PDSS2: variants seen among roughly 807,000 people sequenced by gnomAD.
PDSS2 encodes all trans-polyprenyl-diphosphate synthase PDSS2.
A neutral mutation model predicts 44.5 loss-of-function variants in PDSS2; 31 were observed. That is an observed-to-expected ratio of 0.70 (90% CI 0.52 to 0.94). The LOEUF (loss-of-function observed/expected upper bound fraction) is 0.94. Ranked by LOEUF, PDSS2 falls within the 40% of genes least tolerant of loss-of-function variation. The pLI, the probability that PDSS2 is intolerant of heterozygous loss-of-function variation, is 0.00. For synonymous variants in PDSS2, 157 were observed against 180.3 expected, an observed-to-expected ratio of 0.87 and a Z score of 1.03; for missense variants, 452 against 482.2, an observed-to-expected ratio of 0.94 and a Z score of 0.59.
At chr6:107,356,946 T>C (rs1350456026) in intron 1 of PDSS2, among the ~76,000 whole-genome samples, 1 of 152,174 alleles carries the variant, frequency 6.6e-6, no homozygotes, top group Non-Finnish European at 1.5e-5. Flanking sequence ...CTCATCATAA[T>C]TTTACATCAA....
intron 3 of PDSS2, among the ~76,000 whole-genome samples, chr6:107,253,805 CATTT>C (rs944558133): frequency 3.3e-5 from 5 of 152,084 alleles, no homozygotes; most frequent in East Asian, 1.9e-4. Flanking sequence ...ATCACTGACT[CATTT>C]ATTTGTTTAA....
intron 2 of PDSS2, among the ~76,000 whole-genome samples, chr6:107,311,218 C>T (rs1253610531): frequency 8.0e-6 from 1 of 124,358 alleles, no homozygotes; most frequent in East Asian, 2.3e-4. Context: ...TTTTTTGAGA[C>T]AGGGTCTTGC....
chr6:107,176,533 A>G (rs931250693), intron 7 of PDSS2, among the ~76,000 whole-genome samples: 1 of 152,046 alleles, frequency 6.6e-6, no homozygotes, highest in South Asian at 2.1e-4. Flanking sequence ...TTTCTAATTT[A>G]AAACTGTATG....
chr6:107,250,158 G>A (rs1016622669), intron 3 of PDSS2, among the ~76,000 whole-genome samples: 2 of 149,310 alleles, frequency 1.3e-5, no homozygotes, highest in African/African-American at 5.1e-5. Context: ...GAGGAGTAGG[G>A]GATGGTAAGA....
chr6:107,365,038 T>C (rs569342304), intron 1 of PDSS2, among the ~76,000 whole-genome samples: 143 of 152,216 alleles, frequency 9.4e-4, no homozygotes, highest in Non-Finnish European at 1.8e-3. Flanking sequence ...GAAGTGATAT[T>C]AGACAGTAAT....
At chr6:107,451,111 C>T (rs1206587642) in intron 1 of PDSS2, among the ~76,000 whole-genome samples, 2 of 152,184 alleles carry the variant, frequency 1.3e-5, no homozygotes, top group East Asian at 1.9e-4. Context: ...GGATTACAGG[C>T]GTGAGCCACT....
chr6:107,402,564 T>TAC (rs1253284466), intron 1 of PDSS2, among the ~76,000 whole-genome samples: 4 of 85,436 alleles, frequency 4.7e-5, no homozygotes, highest in African/African-American at 1.7e-4. Context: ...AAAATATATA[T>TAC]ACATGTGTAT....
chr6:107,162,183 A>C (rs1771156742), intron 7 of PDSS2, among the ~76,000 whole-genome samples: 1 of 152,126 alleles, frequency 6.6e-6, no homozygotes, highest in African/African-American at 2.4e-5. Flanking sequence ...ACAGCTAGGA[A>C]AGCTAACTAG....
At chr6:107,176,429 TACACACACACACACACACAC>T (rs71012784) in intron 7 of PDSS2, among the ~76,000 whole-genome samples, 1 of 149,690 alleles carries the variant, frequency 6.7e-6, no homozygotes, top group Non-Finnish European at 1.5e-5. Flanking sequence ...CACACACACA[TACACACACACACACACACAC>T]ACACACACAA....
At chr6:107,427,731 A>G (rs1781050484) in intron 1 of PDSS2, among the ~76,000 whole-genome samples, 1 of 152,142 alleles carries the variant, frequency 6.6e-6, no homozygotes, top group Non-Finnish European at 1.5e-5. Flanking sequence ...GAGGTTTCTT[A>G]TATTTTTGGA....
intron 3 of PDSS2, among the ~76,000 whole-genome samples, chr6:107,262,555 G>A (rs568270723): frequency 4.6e-5 from 7 of 152,060 alleles, no homozygotes; most frequent in South Asian, 2.1e-4. Flanking sequence ...GGCAGATCAC[G>A]AGGTCAGGAG....
intron 7 of PDSS2, among the ~76,000 whole-genome samples, chr6:107,163,398 G>A (rs1483556235): frequency 3.3e-5 from 5 of 152,080 alleles, no homozygotes; most frequent in Admixed American, 6.6e-5. Flanking sequence ...TGTGTAAAAT[G>A]CCCACCAGTA....
chr6:107,393,756 CA>C (rs1198583348), intron 1 of PDSS2, among the ~76,000 whole-genome samples: 1 of 152,084 alleles, frequency 6.6e-6, no homozygotes, highest in African/African-American at 2.4e-5. Context: ...TAGGGTGGTG[CA>C]AAAGTAACTG....
intron 4 of PDSS2, among the ~76,000 whole-genome samples, chr6:107,243,078 G>A (rs762944379): frequency 1.1e-4 from 16 of 152,118 alleles, no homozygotes; most frequent in Non-Finnish European, 1.8e-4. Flanking sequence ...GCCCTTCAAA[G>A]ACTTTGTTGC....
At chr6:107,415,274 A>C (rs1229957911) in intron 1 of PDSS2, among the ~76,000 whole-genome samples, 1 of 152,064 alleles carries the variant, frequency 6.6e-6, no homozygotes, top group East Asian at 1.9e-4. Flanking sequence ...ATAGACCAAT[A>C]TCTTTTTACC....
intron 2 of PDSS2, among the ~76,000 whole-genome samples, chr6:107,302,849 A>AG (rs1328388634): frequency 6.6e-6 from 1 of 151,506 alleles, no homozygotes; most frequent in East Asian, 1.9e-4. Context: ...TTACTACCAA[A>AG]AAAAAAAAAA....
At chr6:107,412,266 G>T in intron 1 of PDSS2, among the ~76,000 whole-genome samples, 1 of 112,882 alleles carries the variant, frequency 8.9e-6, no homozygotes, top group Non-Finnish European at 1.8e-5. Flanking sequence ...TTGAGACGGA[G>T]TCTCACTCTG....
At position 107,154,344 on chromosome 6, in the gene PDSS2, G is replaced by T. The variant is rs919251192; in HGVS notation, c.*275C>A. On this transcript the variant is annotated 3_prime_UTR_variant, in exon 8 of 8. Coordinates refer to ENST00000369037, the MANE Select transcript of PDSS2 (RefSeq NM_020381.4). ...ATAAGGACTTATTTCCTGTCCATTT[G>T]CTGAGGTCACAGGAGCGAATCTCAT... 19 of 410,036 alleles carry T rather than the reference G, an allele frequency of 4.6e-5. No homozygotes were observed. The highest frequency in any genetic ancestry group is 3.9e-4 in the African/African-American group (19 of 48,818). The allele number at this position is 410,036 out of a possible 1,614,324, so 25.4% of individuals were successfully genotyped here.
chr6:107,241,636 G>A (rs1774438232), intron 4 of PDSS2, among the ~76,000 whole-genome samples: 1 of 152,066 alleles, frequency 6.6e-6, no homozygotes, highest in Admixed American at 6.5e-5. Context: ...GTAAGCCACC[G>A]CACCCGGCTG....
Sources: allele counts gnomAD v4.1 joint callset (sites outside exome capture counted in the v4.1 genomes callset), GRCh38; gene constraint gnomAD v4.1.1; transcripts MANE v1.5; gene names NCBI Gene and HGNC (gene_info 2026-07-23, HGNC 2026-07-21).